The following CACNA1C variants were observed in gnomAD, a reference collection of about 807,000 sequenced individuals.
CACNA1C encodes voltage-dependent L-type calcium channel subunit alpha-1C.
CACNA1C carries 30 observed loss-of-function variants against 229.0 expected under a neutral mutation model. The ratio of observed to expected loss-of-function variants is 0.13; its 90% CI spans 0.10 to 0.18. The LOEUF is 0.18. CACNA1C is among the 10% of genes least tolerant of loss of function. The pLI is 1.00. For missense variants in CACNA1C, 1,658 were observed against 2,845.0 expected (o/e 0.58, Z 9.49); for synonymous variants, 1,114 against 1,132.5 (o/e 0.98, Z 0.33).
chr12:2,484,066 C>T (rs2099687702), intron 5 of CACNA1C, among the ~76,000 whole-genome samples: 1 of 152,236 alleles, frequency 6.6e-6, no homozygotes, highest in African/African-American at 2.4e-5. Context: ...CAGTCCCTCT[C>T]ACAAAACTCA....
At chr12:2,661,639 A>C (rs2095746966) in intron 34 of CACNA1C, among the ~76,000 whole-genome samples, 1 of 152,120 alleles carries the variant, frequency 6.6e-6, no homozygotes. Flanking sequence ...CTCTTCACCC[A>C]CTCCATAAGA....
chr12:2,653,924 C>T lies in CACNA1C; in HGVS notation c.4140+24C>T. On this transcript the variant is annotated intron_variant, in intron 33 of 46. Transcript: ENST00000399655. The surrounding 1 kb of genome is among the most constrained non-coding windows in gnomAD (Gnocchi z 4.7). ...AGGTAGGGAGGCTCCCACCACGGGG[C>T]TCCTGGCCTCCCGCTCTGTCTCTCC... The T allele has an allele frequency of 1.3e-6, 2 of 1,596,492 alleles. No individual in the cohort carries two copies. The highest frequency in any genetic ancestry group is 1.1e-5 in the South Asian group (1 of 90,724).
intron 5 of CACNA1C, among the ~76,000 whole-genome samples, chr12:2,472,997 G>T (rs555198519): frequency 6.6e-6 from 1 of 152,176 alleles, no homozygotes; most frequent in Non-Finnish European, 1.5e-5. Context: ...TCTAGAGTGG[G>T]TCTCACTGTA....
At chr12:2,259,691 A>T (rs1437325148) in intron 3 of CACNA1C, among the ~76,000 whole-genome samples, 1 of 152,218 alleles carries the variant, frequency 6.6e-6, no homozygotes, top group Non-Finnish European at 1.5e-5. Context: ...CAGGAGCTAT[A>T]CGTTTTGTTT....
At chr12:2,516,065 A>G (rs1001227774) in intron 9 of CACNA1C, among the ~76,000 whole-genome samples, 4 of 152,048 alleles carry the variant, frequency 2.6e-5, no homozygotes, top group Non-Finnish European at 4.4e-5. Context: ...GAAGCAGTGA[A>G]GGGGGAAGAG....
rs911269908 is a variant in CACNA1C at position 2,597,825 on chromosome 12, C to T, written c.2853+536C>T. On this transcript the variant is annotated intron_variant, in intron 21 of 46. Transcript: ENST00000399655. This position sits in a 1 kb window ranked among gnomAD's most constrained non-coding sequence, Gnocchi z 4.3. The stretch of plus-strand genomic sequence containing the variant: ...GTCAGCAGCGCCAGACATACATGCC[C>T]ACATGCACCAGCTCCGGTTAACTGA... Among the ~76,000 whole-genome samples, 9 of 152,230 alleles carry T rather than the reference C, an allele frequency of 5.9e-5. No homozygotes were observed. Among genetic ancestry groups the T allele is most frequent in the Admixed American group, 5.2e-4 (8 of 15,282 alleles).
chr12:2,270,909 G>A (rs919308082), intron 3 of CACNA1C, among the ~76,000 whole-genome samples: 1 of 152,214 alleles, frequency 6.6e-6, no homozygotes, highest in African/African-American at 2.4e-5. Context: ...TGGTGGTGGG[G>A]GGTGTGGGTG....
In CACNA1C at chr12:2,689,412, AGAG is replaced by A. The variant is rs2097694785; in HGVS notation, c.6117+638_6117+640del. Among the ~76,000 whole-genome samples the A allele has an allele frequency of 6.6e-6, 1 of 152,064 alleles. No individual in the cohort carries two copies. Among genetic ancestry groups the A allele is most frequent in the Non-Finnish European group, 1.5e-5 (1 of 68,014 alleles). Reference sequence around the variant, plus strand: ...CAGGGAATTCGGGAAGAAAACCTGGAGAGGAGGTGACTTTGGAGGGTGCGATAC... The same window carrying A: ...CAGGGAATTCGGGAAGAAAACCTGGAGAGGTGACTTTGGAGGGTGCGATAC... On this transcript the variant is annotated intron_variant, in intron 46 of 46. Coordinates refer to ENST00000399655, the MANE Select transcript of CACNA1C (RefSeq NM_000719.7). This position sits in a 1 kb window ranked among gnomAD's most constrained non-coding sequence, Gnocchi z 4.2.
At chr12:2,675,987 C>T (rs763593118) in intron 39 of CACNA1C, 3 of 152,196 alleles carry the variant, frequency 2.0e-5, no homozygotes, top group Non-Finnish European at 2.9e-5. Context: ...GCGAAAATCT[C>T]GCCAGTGCCA....
rs1272383189 is a variant in CACNA1C, at chr12:2,486,753, G to A, written c.916+491G>A. ...TCATGGTGCTGATTCCAGATCCTCTGTAATTATTGTTTCTGCTTCTCCATT... is the reference window on the plus strand; with the variant it reads ...TCATGGTGCTGATTCCAGATCCTCTATAATTATTGTTTCTGCTTCTCCATT... On this transcript the variant is annotated intron_variant, in intron 6 of 46. Coordinates refer to ENST00000399655, the MANE Select transcript of CACNA1C (RefSeq NM_000719.7). This position sits in a 1 kb window ranked among gnomAD's most constrained non-coding sequence, Gnocchi z 4.9. Among the ~76,000 whole-genome samples the A allele has an allele frequency of 6.6e-6, 1 of 152,138 alleles. No individual in the cohort carries two copies. Among genetic ancestry groups the A allele is most frequent in the Non-Finnish European group, 1.5e-5 (1 of 68,030 alleles).
chr12:2,121,247 C>T (rs1423678814), intron 3 of CACNA1C, among the ~76,000 whole-genome samples: 3 of 152,212 alleles, frequency 2.0e-5, no homozygotes, highest in Non-Finnish European at 2.9e-5. Flanking sequence ...TCATCAGAGC[C>T]ACCGTCTTTC....
chr12:2,190,197 G>A (rs561886176), intron 3 of CACNA1C, among the ~76,000 whole-genome samples: 36 of 152,346 alleles, frequency 2.4e-4, no homozygotes, highest in African/African-American at 8.4e-4. Flanking sequence ...TAGCAATGTT[G>A]TACTTCTGTG....
At chr12:2,294,724 C>A (rs776361198) in intron 3 of CACNA1C, among the ~76,000 whole-genome samples, 16 of 152,138 alleles carry the variant, frequency 1.1e-4, no homozygotes, top group Non-Finnish European at 1.9e-4. Context: ...TGTAACATGT[C>A]GCCTCAATAT....
intron 30 of CACNA1C, among the ~76,000 whole-genome samples, chr12:2,634,967 C>T (rs2092258003): frequency 6.6e-6 from 1 of 152,194 alleles, no homozygotes; most frequent in Non-Finnish European, 1.5e-5. Flanking sequence ...ACATCAGCAG[C>T]CCATGCAGGC....
chr12:2,443,287 C>T (rs1179898826), intron 3 of CACNA1C, among the ~76,000 whole-genome samples: 1 of 152,194 alleles, frequency 6.6e-6, no homozygotes, highest in Non-Finnish European at 1.5e-5. Context: ...TCACAGTCCC[C>T]AGGCAAGTTC....
chr12:2,204,586 A>G (rs1001501842), intron 3 of CACNA1C, among the ~76,000 whole-genome samples: 18 of 151,602 alleles, frequency 1.2e-4, no homozygotes, highest in Non-Finnish European at 2.2e-4. Flanking sequence ...AATGTGGCAC[A>G]TATACATCAT....
intron 1 of CACNA1C, among the ~76,000 whole-genome samples, chr12:1,989,531 C>T (rs1001279542): frequency 1.3e-5 from 2 of 152,246 alleles, no homozygotes; most frequent in East Asian, 1.9e-4. Flanking sequence ...CTGGCCAACA[C>T]GGTGAAACCC....
chr12:2,496,591 A>G (rs12310992), intron 7 of CACNA1C, among the ~76,000 whole-genome samples: 22,290 of 152,254 alleles, frequency 0.15, 1,725 homozygotes, highest in Middle Eastern at 0.23. Flanking sequence ...CTTTTCCTCT[A>G]ACATCCGTTA....
At chr12:2,554,471 T>G (rs2042975027) in intron 10 of CACNA1C, among the ~76,000 whole-genome samples, 1 of 152,178 alleles carries the variant, frequency 6.6e-6, no homozygotes, top group South Asian at 2.1e-4. Context: ...GAGTGTGCTG[T>G]GCATAGAGAA....
Sources: gnomAD v4.1 joint callset for allele counts (sites outside exome capture counted in the v4.1 genomes callset) on GRCh38, gnomAD v4.1.1 for gene constraint, Gnocchi (gnomAD v3.1) non-coding constraint, MANE v1.5 for transcripts, NCBI Gene and HGNC (gene_info 2026-07-23, HGNC 2026-07-21) for gene names.